Variants in FBXO8 observed in about 807,000 individuals in gnomAD.
FBXO8 encodes F-box only protein 8.
FBXO8 carries 15 observed loss-of-function variants against 33.4 expected under a neutral mutation model. The observed-to-expected ratio is 0.45, with a 90% confidence interval of 0.30 to 0.69. The LOEUF is 0.69. Ranked by LOEUF, FBXO8 falls within the 30% of genes least tolerant of loss-of-function variation. FBXO8 has a pLI of 0.08. For synonymous variants in FBXO8, 132 were observed against 131.5 expected (o/e 1.00, Z -0.02); for missense variants, 274 against 380.3 (o/e 0.72, Z 2.32).
At chr4:174,258,211 A>T (rs1736461799) in intron 3 of FBXO8, among the ~76,000 whole-genome samples, 1 of 152,186 alleles carries the variant, frequency 6.6e-6, no homozygotes, top group South Asian at 2.1e-4. Flanking sequence ...GGATAAAAAA[A>T]GTGACGTTCT....
chr4:174,280,411 C>T (rs965423204), intron 1 of FBXO8, among the ~76,000 whole-genome samples: 5 of 152,110 alleles, frequency 3.3e-5, no homozygotes, highest in African/African-American at 2.4e-5. Flanking sequence ...ACAGCCTCTG[C>T]GGAAACAATA....
In FBXO8 at chr4:174,259,113, G is replaced by A. The variant is rs1432828012; in HGVS notation, c.456+586C>T. ...AGAGAAAAAAAAAATCAGTGAAAAA[G>A]TTGTTTTCACATTTTGATCATGCTT... On this transcript the variant is annotated intron_variant, in intron 3 of 5. Transcript: ENST00000393674. The surrounding 1 kb of genome is among the most constrained non-coding windows in gnomAD (Gnocchi z 4.3). Among the ~76,000 whole-genome samples, 1 of 151,624 alleles carries A rather than the reference G, an allele frequency of 6.6e-6. No individual in the cohort carries two copies. Among genetic ancestry groups the A allele is most frequent in the African/African-American group, 2.4e-5 (1 of 41,360 alleles).
Position 174,241,518 on chromosome 4 carries a change from G to A in FBXO8, c.457-300C>T, listed in dbSNP as rs1233867714. Among the ~76,000 whole-genome samples, 1 of 151,400 alleles carries A rather than the reference G, an allele frequency of 6.6e-6. No individual in the cohort carries two copies. Among genetic ancestry groups the A allele is most frequent in the African/African-American group, 2.4e-5 (1 of 41,322 alleles). ...AAATACGGCCTAATTTGGGGAAGGG[G>A]GCTGCAGATGAAACCACAATACAGA... On this transcript the variant is annotated intron_variant, in intron 3 of 5. Transcript: ENST00000393674. The surrounding 1 kb of genome is among the most constrained non-coding windows in gnomAD (Gnocchi z 4.2).
At position 174,260,002 on chromosome 4, in the gene FBXO8, C is replaced by T. The variant is rs1418326122; in HGVS notation, c.330-177G>A. 3.3e-5 allele frequency among the ~76,000 whole-genome samples: 5 copies of T among 151,904 alleles called. No individual in the cohort carries two copies. The East Asian group carries it at 9.6e-4, about 29-fold the overall frequency. ...TTTGTTTACTAGAGTATGACAGATG[C>T]TTTAAATTTAGCAATTTTGACAGCA... is the stretch of plus-strand genomic sequence containing the variant. On this transcript the variant is annotated intron_variant, in intron 2 of 5. Coordinates refer to ENST00000393674, the MANE Select transcript of FBXO8 (RefSeq NM_012180.3).
At chr4:174,273,094 C>G (rs1736875494) in intron 1 of FBXO8, among the ~76,000 whole-genome samples, 1 of 151,972 alleles carries the variant, frequency 6.6e-6, no homozygotes. Context: ...TTGAGGACAG[C>G]CCGGGCAACA....
Position 174,262,875 on chromosome 4 carries a change from A to G in FBXO8, c.218T>C (p.Met73Thr). ...KEQEGFINLE[M>T]LPPELSFTIL... ...GGTAAAGCTTAGCTCAGGAGGCAAC[A>G]TTTCCAAATTAATGAATCCTTCCTG... The change falls in exon 2 of 6, where the codon ATG (methionine) becomes ACG (threonine). Residue 73 changes from methionine to threonine, a missense_variant. Met to Thr is a moderately conservative substitution (Grantham distance 81). This residue lies in a region of FBXO8 where 88 missense variants were observed against 86.9 expected (regional missense o/e 1.01). Transcript: ENST00000393674. The surrounding 1 kb of genome is among the most constrained non-coding windows in gnomAD (Gnocchi z 4.6). The G allele has an allele frequency of 6.2e-7, 1 of 1,614,044 alleles. No individual in the cohort carries two copies.
rs1006559204 is a variant in FBXO8, at chr4:174,241,623, G to A, written c.457-405C>T. On this transcript the variant is annotated intron_variant, in intron 3 of 5. Transcript: ENST00000393674. This position sits in a 1 kb window ranked among gnomAD's most constrained non-coding sequence, Gnocchi z 4.2. ...TCTTAAAGCTCACATATATATTGCA[G>A]TATGCCTTTCAAGGAAAGAGCTTCT... Among the ~76,000 whole-genome samples the A allele has an allele frequency of 6.6e-6, 1 of 151,136 alleles. No homozygotes were observed. The highest frequency in any genetic ancestry group is 1.5e-5 in the Non-Finnish European group (1 of 67,434).
chr4:174,256,489 A>G lies in FBXO8; in HGVS notation c.456+3210T>C, dbSNP rs1404298244. ...TCTGGCTAAAGTATGACTCATACAG[A>G]TAAGTGCTATATAAGAACATTTATT... is the stretch of plus-strand genomic sequence containing the variant. On this transcript the variant is annotated intron_variant, in intron 3 of 5. Coordinates refer to ENST00000393674, the MANE Select transcript of FBXO8 (RefSeq NM_012180.3). This position sits in a 1 kb window ranked among gnomAD's most constrained non-coding sequence, Gnocchi z 4.6. 6.6e-6 allele frequency among the ~76,000 whole-genome samples: 1 copy of G among 152,202 alleles called. No homozygotes were observed. The highest frequency in any genetic ancestry group is 1.5e-5 in the Non-Finnish European group (1 of 68,034).
In FBXO8 at chr4:174,256,136, T is replaced by C. The variant is rs900384150; in HGVS notation, c.456+3563A>G. ...GAACGGTGTCCTTTGGAGAATCTTG[T>C]TCCCTGTGGCTGTAAGTATTCTTAT... On this transcript the variant is annotated intron_variant, in intron 3 of 5. Coordinates refer to ENST00000393674, the MANE Select transcript of FBXO8 (RefSeq NM_012180.3). The surrounding 1 kb of genome is among the most constrained non-coding windows in gnomAD (Gnocchi z 4.6). 4.4e-6 allele frequency: 2 copies of C among 456,004 alleles called. No individual in the cohort carries two copies. Among genetic ancestry groups the C allele is most frequent in the Non-Finnish European group, 8.8e-6 (2 of 226,828 alleles). 28.2% of individuals were successfully genotyped at this position (456,004 alleles called of 1,614,324 possible).
In FBXO8 at chr4:174,237,441, T is replaced by C. The variant is rs1735911975; in HGVS notation, c.931A>G (p.Ile311Val). Residue 311 changes from isoleucine to valine, a missense_variant, in exon 6 of 6, where the codon ATC becomes GTC. Transcript: ENST00000393674. This position sits in a 1 kb window ranked among gnomAD's most constrained non-coding sequence, Gnocchi z 4.4. ...EDFVGHLYDN[I>V]YLIGHVAA ...GCAGCCACATGGCCAATAAGGTAGA[T>C]ATTGTCATAAAGATGCCCTACAAAA... 1 of 1,613,554 alleles carries C rather than the reference T, an allele frequency of 6.2e-7. No individual in the cohort carries two copies. The highest frequency in any genetic ancestry group is 1.3e-5 in the African/African-American group (1 of 75,018).
In FBXO8 at chr4:174,251,798, G is replaced by C. The variant is rs994717920; in HGVS notation, c.456+7901C>G. Among the ~76,000 whole-genome samples, 1 of 152,112 alleles carries C rather than the reference G, an allele frequency of 6.6e-6. No homozygotes were observed. Among genetic ancestry groups the C allele is most frequent in the Non-Finnish European group, 1.5e-5 (1 of 68,018 alleles). ...CTCTAATGCTGATCAAGGAGAAGGAGCCTGCCATAAACTCCAGCATTTTAG... is the reference window on the plus strand; with the variant it reads ...CTCTAATGCTGATCAAGGAGAAGGACCCTGCCATAAACTCCAGCATTTTAG... On this transcript the variant is annotated intron_variant, in intron 3 of 5. Coordinates refer to ENST00000393674, the MANE Select transcript of FBXO8 (RefSeq NM_012180.3). The surrounding 1 kb of genome is among the most constrained non-coding windows in gnomAD (Gnocchi z 4.2).
At chr4:174,280,517 G>A (rs1158178650) in intron 1 of FBXO8, among the ~76,000 whole-genome samples, 1 of 152,062 alleles carries the variant, frequency 6.6e-6, no homozygotes, top group African/African-American at 2.4e-5. Flanking sequence ...AGCAGGGTCT[G>A]GAAAAGATAT....
In FBXO8 at chr4:174,262,668, TA is replaced by T. The variant is rs1258139815; in HGVS notation, c.329+95del. On this transcript the variant is annotated intron_variant, in intron 2 of 5. Transcript: ENST00000393674. This position sits in a 1 kb window ranked among gnomAD's most constrained non-coding sequence, Gnocchi z 4.6. ...GCATCTCAAAGTACAAGCCCAAGTT[TA>T]AAGAAAATATTTTGTAATATACATT... 7.3e-5 allele frequency: 80 copies of T among 1,093,926 alleles called. No homozygotes were observed. The highest frequency in any genetic ancestry group is 7.7e-6 in the Non-Finnish European group (6 of 774,974). 67.8% of individuals were successfully genotyped at this position (1,093,926 alleles called of 1,614,324 possible). A position where few individuals can be genotyped will look rare whatever the true frequency, so the allele number is the denominator to read the frequency against.
chr4:174,259,242 G>A lies in FBXO8; in HGVS notation c.456+457C>T, dbSNP rs912534670. Among the ~76,000 whole-genome samples, 3 of 151,928 alleles carry A rather than the reference G, an allele frequency of 2.0e-5. No individual in the cohort carries two copies. In the South Asian group the frequency reaches 6.2e-4, roughly 31 times the overall value. On this transcript the variant is annotated intron_variant, in intron 3 of 5. Transcript: ENST00000393674. The surrounding 1 kb of genome is among the most constrained non-coding windows in gnomAD (Gnocchi z 4.3). ...TCAACATGGAATTATATTGTTAAAGGCATTATTTGAAGACAACGTTTTGAT... is the reference window on the plus strand; with the variant it reads ...TCAACATGGAATTATATTGTTAAAGACATTATTTGAAGACAACGTTTTGAT...
chr4:174,249,580 T>C (rs1399705820), intron 3 of FBXO8, among the ~76,000 whole-genome samples: 1 of 151,912 alleles, frequency 6.6e-6, no homozygotes, highest in Non-Finnish European at 1.5e-5. Context: ...TCTGAAACAG[T>C]TTTAAAGTAA....
chr4:174,280,105 C>T (rs369191109), intron 1 of FBXO8, among the ~76,000 whole-genome samples: 7 of 152,002 alleles, frequency 4.6e-5, no homozygotes, highest in African/African-American at 1.7e-4. Flanking sequence ...CTGATAAAAT[C>T]TAATATCTAT....
chr4:174,259,603 G>A lies in FBXO8; in HGVS notation c.456+96C>T. The A allele has an allele frequency of 6.9e-7, 1 of 1,448,184 alleles. No individual in the cohort carries two copies. Among genetic ancestry groups the A allele is most frequent in the South Asian group, 1.3e-5 (1 of 79,002 alleles). 89.7% of individuals were successfully genotyped at this position (1,448,184 alleles called of 1,614,324 possible). ...CAGTGATCAAAAAAGCATGTTCAAT[G>A]ACTTTTTGTTTTCCCTGCTAGTTTA... On this transcript the variant is annotated intron_variant, in intron 3 of 5. Transcript: ENST00000393674. This position sits in a 1 kb window ranked among gnomAD's most constrained non-coding sequence, Gnocchi z 4.3.
At chr4:174,279,523 C>T (rs1175178529) in intron 1 of FBXO8, among the ~76,000 whole-genome samples, 1 of 152,048 alleles carries the variant, frequency 6.6e-6, no homozygotes, top group Non-Finnish European at 1.5e-5. Flanking sequence ...CACATGGAAT[C>T]TCAAGGGACC....
At chr4:174,250,714 A>C (rs1275295379) in intron 3 of FBXO8, among the ~76,000 whole-genome samples, 2 of 152,262 alleles carry the variant, frequency 1.3e-5, no homozygotes, top group African/African-American at 4.8e-5. Context: ...GCTGAAAGTA[A>C]GTTGATGGAT....
Sources: allele counts gnomAD v4.1 joint callset (sites outside exome capture counted in the v4.1 genomes callset), GRCh38; gene constraint gnomAD v4.1.1; regional missense constraint gnomAD v4.1.1; non-coding constraint Gnocchi (gnomAD v3.1); transcripts MANE v1.5; gene names NCBI Gene and HGNC (gene_info 2026-07-23, HGNC 2026-07-21).